NT5C2: variants seen among roughly 807,000 people sequenced by gnomAD.
NT5C2 encodes the protein 5'-nucleotidase, cytosolic II, also known as cytosolic purine 5'-nucleotidase.
A neutral mutation model predicts 76.1 loss-of-function variants in NT5C2; 58 were observed. The ratio of observed to expected loss-of-function variants is 0.76; its 90% CI spans 0.62 to 0.95. NT5C2 has a LOEUF of 0.95. Among genes scored for constraint, NT5C2 ranks in the 40% least tolerant of loss-of-function variants. NT5C2 has a pLI of 0.00. For synonymous variants in NT5C2, 229 were observed against 237.4 expected (o/e 0.96, Z 0.32); for missense variants, 478 against 690.3 (o/e 0.69, Z 3.45).
chr10:103,120,650 G>GA (rs980738626), intron 4 of NT5C2, among the ~76,000 whole-genome samples: 16 of 152,340 alleles, frequency 1.1e-4, no homozygotes, highest in African/African-American at 3.6e-4. Context: ...GTATTGCCAA[G>GA]ATGTGAAGAA....
At chr10:103,159,623 T>C (rs1182417355) in intron 3 of NT5C2, among the ~76,000 whole-genome samples, 1 of 150,636 alleles carries the variant, frequency 6.6e-6, no homozygotes, top group East Asian at 1.9e-4. Context: ...TACTACACCT[T>C]GGGTGACAGA....
intron 2 of NT5C2, 47 bp from the exon 3 acceptor site, chr10:103,175,029 A>T: frequency 9.5e-7 from 1 of 1,054,176 alleles, no homozygotes; most frequent in East Asian, 2.4e-5. Flanking sequence ...TGGCATCTGT[A>T]TACTGACATC....
At chr10:103,123,854 G>T (rs943770493) in intron 4 of NT5C2, among the ~76,000 whole-genome samples, 7 of 151,000 alleles carry the variant, frequency 4.6e-5, no homozygotes, top group Non-Finnish European at 1.0e-4. Flanking sequence ...AATTGGGGGG[G>T]GAAAAAAAAA....
chr10:103,132,348 A>T (rs966627401), intron 4 of NT5C2, among the ~76,000 whole-genome samples: 2 of 152,138 alleles, frequency 1.3e-5, no homozygotes, highest in Non-Finnish European at 2.9e-5. Context: ...GCGATTCGGG[A>T]CTGGATCCTA....
rs961440367 is a variant in NT5C2 at position 103,137,337 on chromosome 10, G to A, written c.175+2069C>T. Among the ~76,000 whole-genome samples, 3 of 152,114 alleles carry A rather than the reference G, an allele frequency of 2.0e-5. No individual in the cohort carries two copies. The East Asian group carries it at 5.8e-4, about 29-fold the overall frequency. The stretch of plus-strand genomic sequence containing the variant: ...ACCAATTAGAAAAACATTAAATGCT[G>A]CAAAAATAAGGTTAAGGCAATAGAA... On this transcript the variant is annotated intron_variant, in intron 4 of 18. Coordinates refer to ENST00000404739, the MANE Select transcript of NT5C2 (RefSeq NM_001351169.2).
rs191601635 is a variant in NT5C2 at position 103,134,721 on chromosome 10, C to T, written c.175+4685G>A. ...ATAATAGATCCACTGACAGCTTGCA[C>T]CGTGCACCTGGAAAAGCCACAGACA... On this transcript the variant is annotated intron_variant, in intron 4 of 18. Transcript: ENST00000404739. Among the ~76,000 whole-genome samples, 12 of 152,332 alleles carry T rather than the reference C, an allele frequency of 7.9e-5. No individual in the cohort carries two copies. In the East Asian group the frequency reaches 2.1e-3, roughly 27 times the overall value.
At chr10:103,114,248 A>G (rs377238490) in intron 4 of NT5C2, among the ~76,000 whole-genome samples, 14 of 152,192 alleles carry the variant, frequency 9.2e-5, no homozygotes, top group African/African-American at 3.1e-4. Context: ...CCCTGTCTCT[A>G]CTAAAAAATA....
At chr10:103,183,264 T>TAG (rs1591862956) in intron 1 of NT5C2, among the ~76,000 whole-genome samples, 10 of 78,782 alleles carry the variant, frequency 1.3e-4, no homozygotes, top group East Asian at 4.9e-4. Context: ...GTGTGTGTGA[T>TAG]ATATATATAT....
intron 11 of NT5C2, 95 bp downstream of exon 11, chr10:103,097,196 T>A (rs1308138686): frequency 3.2e-6 from 3 of 935,716 alleles, no homozygotes; most frequent in Non-Finnish European, 4.8e-6. Flanking sequence ...GAAACTATTT[T>A]CACTTAATAA....
chr10:103,142,930 C>T lies in NT5C2; in HGVS notation c.102-3451G>A, dbSNP rs1156937285. On this transcript the variant is annotated intron_variant, in intron 3 of 18. Coordinates refer to ENST00000404739, the MANE Select transcript of NT5C2 (RefSeq NM_001351169.2). ...CCTAGACCCGGGAGGCAGAGGTTGC[C>T]GTGAGCCAAGATCACACCACTGCAC... Among the ~76,000 whole-genome samples, 5 of 146,570 alleles carry T rather than the reference C, an allele frequency of 3.4e-5. No homozygotes were observed. The East Asian group carries it at 1.0e-3, about 30-fold the overall frequency.
At chr10:103,173,633 A>G (rs1239627303) in intron 3 of NT5C2, among the ~76,000 whole-genome samples, 1 of 146,890 alleles carries the variant, frequency 6.8e-6, no homozygotes, top group African/African-American at 2.5e-5. Flanking sequence ...AAAAAAAAAG[A>G]ATTTCATTCT....
At chr10:103,134,131 T>C (rs1297347993) in intron 4 of NT5C2, among the ~76,000 whole-genome samples, 1 of 152,088 alleles carries the variant, frequency 6.6e-6, no homozygotes. Context: ...AGAAAACTCA[T>C]CTCTGAGAAG....
chr10:103,185,001 C>CA (rs1387233980), intron 1 of NT5C2, among the ~76,000 whole-genome samples: 5 of 125,024 alleles, frequency 4.0e-5, no homozygotes, highest in African/African-American at 1.4e-4. Flanking sequence ...TGAAAATATA[C>CA]AAAAAAGACT....
intron 3 of NT5C2, among the ~76,000 whole-genome samples, chr10:103,163,204 G>A (rs560798071): frequency 2.0e-5 from 3 of 152,200 alleles, no homozygotes; most frequent in East Asian, 1.9e-4. Flanking sequence ...GAACATTTGG[G>A]CTGCCTTCAG....
intron 3 of NT5C2, among the ~76,000 whole-genome samples, chr10:103,163,003 TAC>T (rs1350800180): frequency 1.9e-4 from 29 of 152,330 alleles, no homozygotes; most frequent in African/African-American, 6.3e-4. Flanking sequence ...TCCCCATCAC[TAC>T]AGTTTTGTCT....
intron 15 of NT5C2, 52 bp downstream of exon 15, chr10:103,093,087 C>G: frequency 6.3e-6 from 9 of 1,433,202 alleles, no homozygotes; most frequent in South Asian, 1.6e-5. Flanking sequence ...ACGACTGATT[C>G]AAAGCTGGTC....
At chr10:103,128,434 C>T (rs1389675993) in intron 4 of NT5C2, among the ~76,000 whole-genome samples, 1 of 121,924 alleles carries the variant, frequency 8.2e-6, no homozygotes, top group Non-Finnish European at 1.8e-5. Flanking sequence ...ACCTCCCAGC[C>T]GCCTGCCTTG....
chr10:103,101,802 G>T (rs2069763455), intron 6 of NT5C2, among the ~76,000 whole-genome samples: 1 of 152,214 alleles, frequency 6.6e-6, no homozygotes, highest in African/African-American at 2.4e-5. Flanking sequence ...GAGGTAGAGA[G>T]AAGCAAATGT....
chr10:103,118,054 A>G lies in NT5C2; in HGVS notation c.176-11348T>C, dbSNP rs544529468. Among the ~76,000 whole-genome samples the G allele has an allele frequency of 3.6e-4, 55 of 152,350 alleles. 1 individual carries two copies. In the Middle Eastern group the frequency reaches 0.014, roughly 38 times the overall value. On this transcript the variant is annotated intron_variant, in intron 4 of 18. Transcript: ENST00000404739. ...ATAAGGTGACTATATGAAGGATAAT[A>G]TCTATTTGGAAGCATATTTTCTTAT...
Sources: gnomAD v4.1 joint callset for allele counts (sites outside exome capture counted in the v4.1 genomes callset) on GRCh38, gnomAD v4.1.1 for gene constraint, MANE v1.5 for transcripts, NCBI Gene and HGNC (gene_info 2026-07-23, HGNC 2026-07-21) for gene names.